DNAH11: variants seen among roughly 807,000 people sequenced by gnomAD.
The protein encoded by DNAH11 is axonemal beta dynein heavy chain 11.
Under a neutral mutation model 526.0 loss-of-function variants are expected in DNAH11, and 442 were observed. The ratio of observed to expected loss-of-function variants is 0.84; its 90% CI spans 0.78 to 0.91. The LOEUF (loss-of-function observed/expected upper bound fraction) is 0.91, where lower values mean the gene tolerates loss of function less well. Ranked by LOEUF, DNAH11 falls within the 40% of genes least tolerant of loss-of-function variation. DNAH11 has a pLI of 0.00. For synonymous variants in DNAH11, 2,461 were observed against 1,935.9 expected (o/e 1.27, Z -7.12); for missense variants, 6,989 against 5,448.7 (o/e 1.28, Z -8.90).
chr7:21,591,343 C>T lies in DNAH11; in HGVS notation c.2433C>T (p.Gly811=). 1 of 1,613,714 alleles carries T rather than the reference C, an allele frequency of 6.2e-7. No individual in the cohort carries two copies. The highest frequency in any genetic ancestry group is 8.5e-7 in the Non-Finnish European group (1 of 1,179,694). Residue 811 remains glycine, a synonymous_variant, in exon 14 of 82, where the codon GGC becomes GGT. Coordinates refer to ENST00000409508, the MANE Select transcript of DNAH11 (RefSeq NM_001277115.2). ...TGACATGGCAGGATGACTGCTGGGG[C>T]TACATCGAGAGGGTGAGGGCAGCCA... ...TWLTWQDDCW[G]YIERVRAATS... is the part of the protein sequence containing the mutation.
intron 48 of DNAH11, among the ~76,000 whole-genome samples, chr7:21,740,034 C>A (rs1160180746): frequency 1.3e-5 from 2 of 152,064 alleles, no homozygotes; most frequent in Non-Finnish European, 2.9e-5. Context: ...GGGATTCCTT[C>A]TTTGTATTAT....
At chr7:21,558,681 A>T in intron 2 of DNAH11, 121 bp from the exon 3 acceptor site, 1 of 665,750 alleles carries the variant, frequency 1.5e-6, no homozygotes, top group African/African-American at 2.4e-5. Context: ...CTCTTTGTAG[A>T]TTTGATATCA....
Position 21,669,963 on chromosome 7 carries a change from A to G in DNAH11, c.5328+10932A>G, listed in dbSNP as rs147017639. On this transcript the variant is annotated intron_variant, in intron 30 of 81. Coordinates refer to ENST00000409508, the MANE Select transcript of DNAH11 (RefSeq NM_001277115.2). ...GTAGTAATCCTTAAAGTCATTTTATATATACCTTCCAACTTTGTTCATTAT... is the reference window on the plus strand; with the variant it reads ...GTAGTAATCCTTAAAGTCATTTTATGTATACCTTCCAACTTTGTTCATTAT... Among the ~76,000 whole-genome samples the G allele has an allele frequency of 1.8e-3, 273 of 152,240 alleles. 1 individual carries two copies. The highest frequency in any genetic ancestry group is 6.3e-3 in the African/African-American group (260 of 41,558).
intron 28 of DNAH11, among the ~76,000 whole-genome samples, chr7:21,646,661 A>T (rs1227063345): frequency 1.3e-5 from 2 of 152,192 alleles, no homozygotes; most frequent in Non-Finnish European, 2.9e-5. Flanking sequence ...CCAGCAGGGC[A>T]AGAAATAATG....
intron 57 of DNAH11, among the ~76,000 whole-genome samples, chr7:21,779,721 C>T (rs970751062): frequency 4.6e-5 from 7 of 152,140 alleles, no homozygotes; most frequent in African/African-American, 1.7e-4. Context: ...TTTACCAAAA[C>T]GTCAGCTACA....
chr7:21,687,230 A>G lies in DNAH11; in HGVS notation c.5753A>G (p.Asn1918Ser), dbSNP rs1426072826. The change falls in exon 33 of 82, where the codon AAC (asparagine) becomes AGC (serine). Residue 1918 changes from asparagine to serine, a missense_variant. Transcript: ENST00000409508. ...CTTGGCATGATGGTCTATGTATTCA[A>G]CTGTTCAGAGCAAATGGACTACAAA... is the stretch of plus-strand genomic sequence containing the variant. ...RALGMMVYVFNCSEQMDYKSI... is the reference protein window; with the variant it reads ...RALGMMVYVFSCSEQMDYKSI... 2.5e-6 allele frequency: 4 copies of G among 1,599,486 alleles called. No individual in the cohort carries two copies. Among genetic ancestry groups the G allele is most frequent in the Non-Finnish European group, 3.4e-6 (4 of 1,173,670 alleles).
chr7:21,611,330 T>C (rs1785514691), intron 20 of DNAH11, among the ~76,000 whole-genome samples: 1 of 152,142 alleles, frequency 6.6e-6, no homozygotes, highest in African/African-American at 2.4e-5. Context: ...AGGATTACCC[T>C]ATCAGCTTTC....
chr7:21,731,713 A>G (rs754516505), intron 45 of DNAH11, among the ~76,000 whole-genome samples: 1 of 152,182 alleles, frequency 6.6e-6, no homozygotes, highest in African/African-American at 2.4e-5. Flanking sequence ...AAGATAAGCA[A>G]TTTATAAGTT....
intron 9 of DNAH11, 116 bp downstream of exon 9, chr7:21,582,137 C>G: frequency 1.6e-6 from 1 of 640,714 alleles, no homozygotes; most frequent in East Asian, 2.7e-5. Context: ...TAGTCATATT[C>G]CCTTCAAATT....
At chr7:21,817,489 T>A (rs949112262) in intron 64 of DNAH11, among the ~76,000 whole-genome samples, 2 of 132,996 alleles carry the variant, frequency 1.5e-5, no homozygotes, top group African/African-American at 2.9e-5. Context: ...AAGACCACCC[T>A]GAGCGACATA....
At chr7:21,580,281 A>G (rs1784260774) in intron 8 of DNAH11, among the ~76,000 whole-genome samples, 1 of 152,168 alleles carries the variant, frequency 6.6e-6, no homozygotes, top group African/African-American at 2.4e-5. Flanking sequence ...AAGAAGAGGG[A>G]TGTTAGGCGT....
chr7:21,716,431 C>T (rs1013296750), intron 42 of DNAH11, among the ~76,000 whole-genome samples: 1 of 152,160 alleles, frequency 6.6e-6, no homozygotes, highest in Admixed American at 6.5e-5. Flanking sequence ...TATTATTACC[C>T]TCTCCATTTA....
At chr7:21,586,875 A>G (rs747898037) in intron 9 of DNAH11, among the ~76,000 whole-genome samples, 1 of 152,236 alleles carries the variant, frequency 6.6e-6, no homozygotes, top group Non-Finnish European at 1.5e-5. Context: ...ATGGCGTATT[A>G]GCTGATGAGA....
At chr7:21,868,316 A>G (rs1783365376) in intron 72 of DNAH11, among the ~76,000 whole-genome samples, 1 of 152,146 alleles carries the variant, frequency 6.6e-6, no homozygotes, top group Admixed American at 6.5e-5. Context: ...TGACTAAATA[A>G]TGGTCATTAG....
At chr7:21,896,409 C>T (rs549606219) in intron 79 of DNAH11, among the ~76,000 whole-genome samples, 1 of 152,272 alleles carries the variant, frequency 6.6e-6, no homozygotes, top group East Asian at 1.9e-4. Context: ...GATGTTCTAA[C>T]TCCATGGTTT....
intron 43 of DNAH11, 111 bp from the exon 44 acceptor site, chr7:21,720,614 C>A: frequency 8.2e-7 from 1 of 1,222,792 alleles, no homozygotes; most frequent in Non-Finnish European, 1.1e-6. Flanking sequence ...CAAATCACAG[C>A]TGGGAAAAAC....
At chr7:21,606,198 C>G (rs1171200443) in intron 18 of DNAH11, among the ~76,000 whole-genome samples, 1 of 152,072 alleles carries the variant, frequency 6.6e-6, no homozygotes, top group Non-Finnish European at 1.5e-5. Flanking sequence ...TGGTACATGC[C>G]TGTAGTTCCA....
At chr7:21,595,479 CAG>C in intron 14 of DNAH11, among the ~76,000 whole-genome samples, 1 of 152,272 alleles carries the variant, frequency 6.6e-6, no homozygotes, top group East Asian at 1.9e-4. Flanking sequence ...GTGGAGCAAA[CAG>C]AGTTTCCCAA....
intron 65 of DNAH11, among the ~76,000 whole-genome samples, chr7:21,818,812 G>C (rs190135826): frequency 6.6e-6 from 1 of 152,092 alleles, no homozygotes; most frequent in Non-Finnish European, 1.5e-5. Flanking sequence ...ATTCGGAAAA[G>C]GAGAGTTCAT....
Sources: allele counts gnomAD v4.1 joint callset (sites outside exome capture counted in the v4.1 genomes callset), GRCh38; gene constraint gnomAD v4.1.1; transcripts MANE v1.5; gene names NCBI Gene and HGNC (gene_info 2026-07-23, HGNC 2026-07-21).